Variants in EFCAB6 observed in about 807,000 individuals in gnomAD.
The protein encoded by EFCAB6 is EF-hand calcium-binding domain-containing protein 6.
In EFCAB6, 156 loss-of-function variants were observed where a neutral mutation model predicts 169.8. That is an observed-to-expected ratio of 0.92 (90% CI 0.81 to 1.05). The LOEUF is 1.05. Ranked by LOEUF, EFCAB6 falls within the 50% of genes least tolerant of loss-of-function variation. The pLI, the probability that EFCAB6 is intolerant of heterozygous loss-of-function variation, is 0.00. For missense variants in EFCAB6, 1,800 were observed against 1,829.1 expected, an observed-to-expected ratio of 0.98 and a Z score of 0.29; for synonymous variants, 698 against 676.4, an observed-to-expected ratio of 1.03 and a Z score of -0.50.
chr22:43,773,225 G>A, intron 3 of EFCAB6, 122 bp from the exon 4 acceptor site: 1 of 916,028 alleles, frequency 1.1e-6, no homozygotes, highest in Non-Finnish European at 1.6e-6. Flanking sequence ...ACCATATCTA[G>A]GTTTACGTGT....
intron 7 of EFCAB6, among the ~76,000 whole-genome samples, chr22:43,733,857 C>T (rs2060043073): frequency 6.6e-6 from 1 of 152,138 alleles, no homozygotes; most frequent in Non-Finnish European, 1.5e-5. Flanking sequence ...TACAGGTGTG[C>T]ACCACCATGC....
At position 43,540,263 on chromosome 22, in the gene EFCAB6, G is replaced by A; in HGVS notation, c.3743C>T (p.Thr1248Ile). The A allele has an allele frequency of 1.2e-6, 2 of 1,614,240 alleles. No homozygotes were observed. Among genetic ancestry groups the A allele is most frequent in the Non-Finnish European group, 1.7e-6 (2 of 1,180,048 alleles). ...LSRFSSETAA[T>I]PMATGDSAVA... ...GGCCGAGTCACCAGTGGCCATTGGT[G>A]TGGCTGCTGTCTCGGAACTGAACCT... is the stretch of plus-strand genomic sequence containing the variant. Residue 1248 changes from threonine (T) to isoleucine (I), a missense_variant, in exon 28 of 32, where the codon ACA becomes ATA. Thr to Ile is a moderately conservative substitution (Grantham distance 89). Transcript: ENST00000262726.
intron 2 of EFCAB6, among the ~76,000 whole-genome samples, chr22:43,800,841 A>G (rs1425843135): frequency 6.6e-6 from 1 of 152,186 alleles, no homozygotes; most frequent in Non-Finnish European, 1.5e-5. Flanking sequence ...GATATAGAAA[A>G]TTTCCTCAAA....
chr22:43,580,164 T>G (rs2050626867), intron 25 of EFCAB6, among the ~76,000 whole-genome samples: 1 of 152,128 alleles, frequency 6.6e-6, no homozygotes, highest in South Asian at 2.1e-4. Context: ...CGTTGAGAGC[T>G]CCCAGGATGC....
intron 27 of EFCAB6, among the ~76,000 whole-genome samples, chr22:43,545,101 C>G (rs73430069): frequency 6.6e-6 from 1 of 152,072 alleles, no homozygotes; most frequent in Non-Finnish European, 1.5e-5. Context: ...GAGCCGAGAT[C>G]GCACCACTGT....
intron 2 of EFCAB6, among the ~76,000 whole-genome samples, chr22:43,805,242 T>A (rs1453230496): frequency 2.0e-5 from 3 of 152,212 alleles, no homozygotes; most frequent in Non-Finnish European, 4.4e-5. Flanking sequence ...CAGAAAGGTA[T>A]TTCATGCTCA....
chr22:43,626,416 T>C, intron 20 of EFCAB6, 31 bp downstream of exon 20: 1 of 1,606,040 alleles, frequency 6.2e-7, no homozygotes, highest in Non-Finnish European at 8.5e-7. Context: ...CCGGCATATA[T>C]TAAAGACACA....
intron 10 of EFCAB6, among the ~76,000 whole-genome samples, chr22:43,705,164 A>G (rs1367435186): frequency 2.0e-5 from 3 of 152,186 alleles, no homozygotes; most frequent in Non-Finnish European, 2.9e-5. Flanking sequence ...GGGTCACTTC[A>G]TCAAGATGAT....
intron 2 of EFCAB6, among the ~76,000 whole-genome samples, chr22:43,798,311 C>T (rs1052875340): frequency 6.6e-6 from 1 of 151,524 alleles, no homozygotes; most frequent in Admixed American, 6.6e-5. Flanking sequence ...AAGATTGTGC[C>T]ACTGCACTCC....
At chr22:43,775,696 G>A (rs376492938) in intron 3 of EFCAB6, among the ~76,000 whole-genome samples, 2 of 152,224 alleles carry the variant, frequency 1.3e-5, no homozygotes, top group South Asian at 2.1e-4. Context: ...CACCCGCCTC[G>A]GCCTCCCAAA....
chr22:43,708,287 A>T (rs137825), intron 10 of EFCAB6, among the ~76,000 whole-genome samples: 83,125 of 151,628 alleles, frequency 0.55, 23,100 homozygotes, highest in East Asian at 0.77. Context: ...ATGCCTGTAA[A>T]CCCAGCTACT....
chr22:43,751,412 C>A (rs1357135069), intron 6 of EFCAB6, among the ~76,000 whole-genome samples: 2 of 152,210 alleles, frequency 1.3e-5, no homozygotes, highest in African/African-American at 4.8e-5. Context: ...AATAAAAAAA[C>A]TTACACTTCG....
chr22:43,593,695 G>A (rs528463999), intron 23 of EFCAB6, among the ~76,000 whole-genome samples: 1 of 152,232 alleles, frequency 6.6e-6, no homozygotes, highest in South Asian at 2.1e-4. Flanking sequence ...CTGTGTCCTT[G>A]GCATTCTCAG....
intron 13 of EFCAB6, among the ~76,000 whole-genome samples, chr22:43,674,910 G>A (rs2057656748): frequency 6.6e-6 from 1 of 151,944 alleles, no homozygotes; most frequent in African/African-American, 2.4e-5. Context: ...TGATTCCGTG[G>A]CCACTAGGCT....
intron 25 of EFCAB6, among the ~76,000 whole-genome samples, chr22:43,577,178 A>C (rs1197897324): frequency 6.6e-6 from 1 of 152,224 alleles, no homozygotes; most frequent in Non-Finnish European, 1.5e-5. Context: ...AAACTGAAAA[A>C]GTGCAAAAAT....
chr22:43,670,483 T>G (rs1380389489), intron 15 of EFCAB6, among the ~76,000 whole-genome samples: 2 of 152,194 alleles, frequency 1.3e-5, no homozygotes, highest in African/African-American at 4.8e-5. Context: ...ATAAAGCTGT[T>G]AGCACTGGGG....
chr22:43,730,930 GTCCCTGAATA>G (rs1382203706), intron 8 of EFCAB6, among the ~76,000 whole-genome samples: 1 of 152,124 alleles, frequency 6.6e-6, no homozygotes, highest in Non-Finnish European at 1.5e-5. Context: ...ATAGAACATG[GTCCCTGAATA>G]TTTGCTGCTG....
At chr22:43,570,907 C>A (rs1421988071) in intron 26 of EFCAB6, among the ~76,000 whole-genome samples, 3 of 152,230 alleles carry the variant, frequency 2.0e-5, no homozygotes, top group African/African-American at 2.4e-5. Flanking sequence ...TGGACTCCCC[C>A]ACCATGGAGC....
Position 43,598,310 on chromosome 22 carries a change from G to GAAAAAAAAAAAAAAAAAAAAAAAAAAAA in EFCAB6, c.2876+1758_2876+1759insTTTTTTTTTTTTTTTTTTTTTTTTTTTT, listed in dbSNP as rs1402967848. Among the ~76,000 whole-genome samples, 2 of 57,660 alleles carry GAAAAAAAAAAAAAAAAAAAAAAAAAAAA rather than the reference G, an allele frequency of 3.5e-5. 1 individual carries two copies. 37.8% of individuals were successfully genotyped at this position (57,660 alleles called of 152,430 possible). ...TGATGAAAGTGAGACACTGTCTCCG[G>GAAAAAAAAAAAAAAAAAAAAAAAAAAAA]GAAAAAAAAAAAAAAAAAAAAAAAA... On this transcript the variant is annotated intron_variant, in intron 23 of 31. Transcript: ENST00000262726.
Sources: gnomAD v4.1 joint callset for allele counts (sites outside exome capture counted in the v4.1 genomes callset) on GRCh38, gnomAD v4.1.1 for gene constraint, MANE v1.5 for transcripts, NCBI Gene and HGNC (gene_info 2026-07-23, HGNC 2026-07-21) for gene names.